Variants in XRCC4 observed in about 807,000 individuals in gnomAD.
XRCC4 encodes DNA repair protein XRCC4.
Under a neutral mutation model 39.1 loss-of-function variants are expected in XRCC4, and 28 were observed. The observed-to-expected ratio is 0.72, with a 90% CI of 0.53 to 0.98. The LOEUF (loss-of-function observed/expected upper bound fraction) is 0.98, where lower values mean the gene tolerates loss of function less well. Among genes scored for constraint, XRCC4 ranks in the 50% least tolerant of loss-of-function variants. XRCC4 has a pLI of 0.00. For missense variants in XRCC4, 350 were observed against 376.4 expected, an observed-to-expected ratio of 0.93 and a Z score of 0.58; for synonymous variants, 123 against 126.4, an observed-to-expected ratio of 0.97 and a Z score of 0.18.
chr5:83,358,872 C>T, the XRCC4 span, among the ~76,000 whole-genome samples: 2 of 152,132 alleles, frequency 1.3e-5, no homozygotes, highest in Non-Finnish European at 2.9e-5. Context: ...TGTGGTGGGA[C>T]AGTAAGCATA....
At chr5:83,079,667 G>C (rs976898965) in intron 1 of XRCC4, among the ~76,000 whole-genome samples, 4 of 151,882 alleles carry the variant, frequency 2.6e-5, no homozygotes, top group African/African-American at 9.7e-5. Context: ...CCAGTAACCG[G>C]GACCATGGTT....
intron 6 of XRCC4, among the ~76,000 whole-genome samples, chr5:83,209,884 C>T (rs903513932): frequency 1.3e-5 from 2 of 152,092 alleles, no homozygotes; most frequent in Non-Finnish European, 2.9e-5. Context: ...TTTCCTACCA[C>T]TTTTCTACAT....
intron 7 of XRCC4, among the ~76,000 whole-genome samples, chr5:83,336,625 T>G (rs1756602421): frequency 6.6e-6 from 1 of 152,154 alleles, no homozygotes; most frequent in Non-Finnish European, 1.5e-5. Context: ...AGATTTAAAT[T>G]GACTAACATT....
intron 7 of XRCC4, among the ~76,000 whole-genome samples, chr5:83,272,893 G>T (rs1225668322): frequency 6.6e-6 from 1 of 152,196 alleles, no homozygotes; most frequent in Non-Finnish European, 1.5e-5. Context: ...ACATAAGTGT[G>T]CATGTGTCTT....
intron 3 of XRCC4, among the ~76,000 whole-genome samples, chr5:83,166,696 C>T (rs1158043153): frequency 2.0e-5 from 3 of 150,002 alleles, no homozygotes; most frequent in South Asian, 2.1e-4. Flanking sequence ...AGGCTGGTCT[C>T]GAACTCCTGG....
chr5:83,204,999 G>T, intron 6 of XRCC4, 78 bp downstream of exon 6: 1 of 1,014,954 alleles, frequency 9.9e-7, no homozygotes, highest in South Asian at 1.8e-5. Context: ...AAACCATAAT[G>T]GAAAAATGTT....
intron 3 of XRCC4, among the ~76,000 whole-genome samples, chr5:83,133,466 A>G (rs1280563985): frequency 6.6e-6 from 1 of 152,170 alleles, no homozygotes; most frequent in Non-Finnish European, 1.5e-5. Flanking sequence ...CCTTTTGTTT[A>G]GCTAGGCCCT....
intron 7 of XRCC4, among the ~76,000 whole-genome samples, chr5:83,320,354 T>C (rs1157175811): frequency 8.0e-6 from 1 of 124,394 alleles, no homozygotes; most frequent in African/African-American, 3.1e-5. Context: ...ACTTAAAGTA[T>C]AATAAAAAAT....
Position 83,220,438 on chromosome 5 carries a change from T to G in XRCC4, c.745+15517T>G, listed in dbSNP as rs28360172. On this transcript the variant is annotated intron_variant, in intron 6 of 7. Transcript: ENST00000396027. ...TCATCAGCATCGCCTGTAAGCCATATTTAAGATCAAAAGGATAGACAAGGT... is the reference window on the plus strand; with the variant it reads ...TCATCAGCATCGCCTGTAAGCCATAGTTAAGATCAAAAGGATAGACAAGGT... 2.5e-3 allele frequency among the ~76,000 whole-genome samples: 374 copies of G among 152,226 alleles called. 3 individuals carry two copies. The highest frequency in any genetic ancestry group is 8.6e-3 in the African/African-American group (358 of 41,538).
chr5:83,242,484 T>G (rs1325107981), intron 6 of XRCC4, among the ~76,000 whole-genome samples: 1 of 152,104 alleles, frequency 6.6e-6, no homozygotes, highest in Non-Finnish European at 1.5e-5. Flanking sequence ...CTCACTTTGT[T>G]GCCCAGGCTG....
chr5:83,313,737 C>G (rs1478345243), intron 7 of XRCC4, among the ~76,000 whole-genome samples: 1 of 152,112 alleles, frequency 6.6e-6, no homozygotes, highest in Non-Finnish European at 1.5e-5. Context: ...CTCCTTCACA[C>G]CTTAGTTTCT....
intron 7 of XRCC4, among the ~76,000 whole-genome samples, chr5:83,279,089 A>AAT (rs1463294797): frequency 1.4e-5 from 2 of 146,304 alleles, no homozygotes; most frequent in Non-Finnish European, 3.0e-5. Context: ...TATATTATAA[A>AAT]ATATATATAA....
chr5:83,099,225 A>G (rs1745813961), intron 1 of XRCC4, among the ~76,000 whole-genome samples: 2 of 152,226 alleles, frequency 1.3e-5, no homozygotes, highest in Non-Finnish European at 2.9e-5. Context: ...ACATGCATTT[A>G]GCACTTTCTG....
At chr5:83,335,454 C>CA (rs1024932459) in intron 7 of XRCC4, among the ~76,000 whole-genome samples, 1 of 151,752 alleles carries the variant, frequency 6.6e-6, no homozygotes, top group African/African-American at 2.4e-5. Flanking sequence ...TCTACAAATA[C>CA]AAAAAAGCCT....
chr5:83,196,688 T>G (rs752085381), intron 4 of XRCC4, among the ~76,000 whole-genome samples: 1 of 151,182 alleles, frequency 6.6e-6, no homozygotes, highest in Non-Finnish European at 1.5e-5. Flanking sequence ...ATATATACAG[T>G]GAGAAAGAAA....
At chr5:83,311,228 AAG>A (rs1431703721) in intron 7 of XRCC4, among the ~76,000 whole-genome samples, 2 of 152,204 alleles carry the variant, frequency 1.3e-5, no homozygotes, top group African/African-American at 4.8e-5. Context: ...CCGGAGGATG[AAG>A]AGAGGTTGAT....
At chr5:83,242,505 G>C (rs139685808) in intron 6 of XRCC4, among the ~76,000 whole-genome samples, 1 of 151,878 alleles carries the variant, frequency 6.6e-6, no homozygotes, top group Non-Finnish European at 1.5e-5. Context: ...GAAAGTCGTG[G>C]TGTGATCATA....
intron 7 of XRCC4, among the ~76,000 whole-genome samples, chr5:83,294,675 T>C (rs1755034417): frequency 6.6e-6 from 1 of 151,996 alleles, no homozygotes; most frequent in Non-Finnish European, 1.5e-5. Flanking sequence ...CATAGGCAAA[T>C]AATAATAAAA....
At chr5:83,106,588 G>T (rs10078084) in intron 2 of XRCC4, among the ~76,000 whole-genome samples, 12 of 151,430 alleles carry the variant, frequency 7.9e-5, no homozygotes, top group African/African-American at 2.7e-4. Context: ...GGGGAAAAAA[G>T]AACACTCCAT....
Sources: gnomAD v4.1 joint callset for allele counts (sites outside exome capture counted in the v4.1 genomes callset) on GRCh38, gnomAD v4.1.1 for gene constraint, MANE v1.5 for transcripts, NCBI Gene and HGNC (gene_info 2026-07-23, HGNC 2026-07-21) for gene names.